Variants in LANCL2 observed in about 807,000 individuals in gnomAD.
The protein encoded by LANCL2 is lanC-like protein 2.
In LANCL2, 33 loss-of-function variants were observed where a neutral mutation model predicts 56.9. The ratio of observed to expected loss-of-function variants is 0.58; its 90% CI spans 0.44 to 0.78. The LOEUF (loss-of-function observed/expected upper bound fraction) is 0.78, where lower values mean the gene tolerates loss of function less well. LANCL2 is among the 30% of genes least tolerant of loss of function. LANCL2 has a pLI of 0.00. For synonymous variants in LANCL2, 233 were observed against 228.2 expected (o/e 1.02, Z -0.19); for missense variants, 562 against 580.2 (o/e 0.97, Z 0.32).
chr7:55,407,188 C>G (rs1232883094), intron 5 of LANCL2, among the ~76,000 whole-genome samples: 1 of 152,180 alleles, frequency 6.6e-6, no homozygotes, highest in Non-Finnish European at 1.5e-5. Flanking sequence ...ACTGACTAGG[C>G]TCTTTTCAAT....
At chr7:55,417,259 G>C (rs1450589804) in intron 6 of LANCL2, among the ~76,000 whole-genome samples, 1 of 151,920 alleles carries the variant, frequency 6.6e-6, no homozygotes, top group Non-Finnish European at 1.5e-5. Flanking sequence ...GATTACAGGC[G>C]TGAGCCACCG....
intron 5 of LANCL2, among the ~76,000 whole-genome samples, chr7:55,402,222 G>T (rs1192028139): frequency 9.0e-6 from 1 of 110,998 alleles, no homozygotes; most frequent in African/African-American, 3.3e-5. Context: ...CTCACCTCCC[G>T]GACGGGGCGG....
At chr7:55,374,602 CTTTTG>C (rs1420703475) in intron 1 of LANCL2, among the ~76,000 whole-genome samples, 2 of 152,114 alleles carry the variant, frequency 1.3e-5, no homozygotes, top group Non-Finnish European at 2.9e-5. Context: ...GATTGGGGGA[CTTTTG>C]TTTTATTCAT....
In LANCL2 at chr7:55,365,887, C is replaced by CG; in HGVS notation, c.-138dup. 1.7e-6 allele frequency: 1 copy of CG among 599,722 alleles called. No individual in the cohort carries two copies. Among genetic ancestry groups the CG allele is most frequent in the South Asian group, 2.7e-5 (1 of 37,236 alleles). The allele number at this position is 599,722 out of a possible 1,614,324, so 37.2% of individuals were successfully genotyped here. A position where few individuals can be genotyped will look rare whatever the true frequency, so the allele number is the denominator to read the frequency against. Reference sequence around the variant, plus strand: ...CGAGGCAGTGCACGCTCAGACGCCCCGCTCCTCCCGCCAGCGCGCGGCCTC... The same window carrying CG: ...CGAGGCAGTGCACGCTCAGACGCCCCGGCTCCTCCCGCCAGCGCGCGGCCTC... On this transcript the variant is annotated 5_prime_UTR_variant, in exon 1 of 9. The change abolishes the stop of an existing upstream ORF in the 5' untranslated region. Transcript: ENST00000254770.
At chr7:55,381,200 T>G (rs1443339968) in intron 1 of LANCL2, among the ~76,000 whole-genome samples, 1 of 152,226 alleles carries the variant, frequency 6.6e-6, no homozygotes, top group African/African-American at 2.4e-5. Context: ...GGGTATGTTA[T>G]AGTGCATTCC....
intron 1 of LANCL2, among the ~76,000 whole-genome samples, chr7:55,378,460 CAAAAA>C (rs1211244584): frequency 2.0e-5 from 3 of 149,194 alleles, no homozygotes; most frequent in Non-Finnish European, 3.0e-5. Flanking sequence ...GACTCAGTCT[CAAAAA>C]AAAGGAAAAA....
At chr7:55,402,227 G>C (rs1339894071) in intron 5 of LANCL2, among the ~76,000 whole-genome samples, 3 of 143,624 alleles carry the variant, frequency 2.1e-5, no homozygotes, top group Non-Finnish European at 4.6e-5. Context: ...CTCCCGGACG[G>C]GGCGGCTGGC....
intron 1 of LANCL2, among the ~76,000 whole-genome samples, chr7:55,384,729 G>A (rs566240556): frequency 1.6e-4 from 24 of 152,200 alleles, no homozygotes; most frequent in South Asian, 8.3e-4. Flanking sequence ...CTGATTTTTC[G>A]TTAGAAATCA....
chr7:55,427,287 C>A (rs1057488639), intron 7 of LANCL2, among the ~76,000 whole-genome samples: 1 of 152,168 alleles, frequency 6.6e-6, no homozygotes. Flanking sequence ...CAAGCTCCCC[C>A]AGTAAGTTTA....
rs376160234 is a variant in LANCL2 at position 55,400,117 on chromosome 7, A to G, written c.678+13A>G. On this transcript the variant is annotated intron_variant, in intron 4 of 8. Coordinates refer to ENST00000254770, the MANE Select transcript of LANCL2 (RefSeq NM_018697.4). ...AGCTATTAAAGAGGTACTATGGGGTATGGGTAACTATGGGCGTCTCTACCA... is the reference window on the plus strand; with the variant it reads ...AGCTATTAAAGAGGTACTATGGGGTGTGGGTAACTATGGGCGTCTCTACCA... 7.3e-5 allele frequency: 114 copies of G among 1,565,436 alleles called. No individual in the cohort carries two copies. In the African/African-American group the frequency reaches 1.4e-3, roughly 19 times the overall value.
chr7:55,409,171 C>T (rs1583759422), intron 5 of LANCL2, among the ~76,000 whole-genome samples: 1 of 150,266 alleles, frequency 6.7e-6, no homozygotes, highest in Non-Finnish European at 1.5e-5. Context: ...TCACTGCAAG[C>T]TCTGCCTCCC....
intron 5 of LANCL2, among the ~76,000 whole-genome samples, chr7:55,403,653 C>T (rs1250582568): frequency 6.9e-6 from 1 of 145,000 alleles, no homozygotes; most frequent in East Asian, 2.1e-4. Flanking sequence ...CTCACTGCAA[C>T]CTCCACCTCC....
chr7:55,401,447 G>A (rs553399230), intron 5 of LANCL2, 127 bp downstream of exon 5: 1 of 601,848 alleles, frequency 1.7e-6, no homozygotes, highest in East Asian at 4.0e-5. Context: ...GCGTAACTCT[G>A]CCACATAAAC....
At chr7:55,421,606 G>A (rs1165867938) in intron 6 of LANCL2, among the ~76,000 whole-genome samples, 1 of 152,138 alleles carries the variant, frequency 6.6e-6, no homozygotes, top group Non-Finnish European at 1.5e-5. Context: ...GCCTCCCTAA[G>A]TGCTGGGATT....
chr7:55,420,961 A>G (rs1790601378), intron 6 of LANCL2, among the ~76,000 whole-genome samples: 2 of 152,320 alleles, frequency 1.3e-5, no homozygotes, highest in Middle Eastern at 3.4e-3. Flanking sequence ...TTTCCTAATG[A>G]ATTGACTCTT....
At chr7:55,399,823 G>T in intron 3 of LANCL2, 134 bp from the exon 4 acceptor site, 25 of 625,816 alleles carry the variant, frequency 4.0e-5, no homozygotes, top group East Asian at 6.1e-5. Context: ...TTCTGGATTT[G>T]GGAGTATTTT....
Position 55,432,165 on chromosome 7 carries a change from T to G in LANCL2, c.*845T>G, listed in dbSNP as rs1790737415. 1 of 152,234 alleles carries G rather than the reference T, an allele frequency of 6.6e-6. No homozygotes were observed. The highest frequency in any genetic ancestry group is 2.4e-5 in the African/African-American group (1 of 41,456). 9.4% of individuals were successfully genotyped at this position (152,234 alleles called of 1,614,324 possible). ...CTAAAACAGGCTCCACCTCAGTTTATCAACATTATAAGTTACTGTTCTAAG... is the reference window on the plus strand; with the variant it reads ...CTAAAACAGGCTCCACCTCAGTTTAGCAACATTATAAGTTACTGTTCTAAG... On this transcript the variant is annotated 3_prime_UTR_variant, in exon 9 of 9. Coordinates refer to ENST00000254770, the MANE Select transcript of LANCL2 (RefSeq NM_018697.4).
chr7:55,417,660 C>G (rs1196815428), intron 6 of LANCL2, among the ~76,000 whole-genome samples: 1 of 152,114 alleles, frequency 6.6e-6, no homozygotes, highest in Non-Finnish European at 1.5e-5. Context: ...CATTGAATCT[C>G]TAGATCCACT....
At chr7:55,391,994 T>A in intron 2 of LANCL2, 84 bp downstream of exon 2, 1 of 840,410 alleles carries the variant, frequency 1.2e-6, no homozygotes, top group Non-Finnish European at 1.9e-6. Context: ...TCTTCTCTTT[T>A]AAAATGGTAA....
Sources: allele counts gnomAD v4.1 joint callset (sites outside exome capture counted in the v4.1 genomes callset), GRCh38; gene constraint gnomAD v4.1.1; transcripts MANE v1.5; gene names NCBI Gene and HGNC (gene_info 2026-07-23, HGNC 2026-07-21).